The following DR1 variants were observed in gnomAD, a reference collection of about 807,000 sequenced individuals.
DR1 encodes protein Dr1.
A neutral mutation model predicts 19.9 loss-of-function variants in DR1; 7 were observed. The observed-to-expected ratio is 0.35, with a 90% CI of 0.20 to 0.66. DR1 has a LOEUF of 0.66. Among genes scored for constraint, DR1 ranks in the 30% least tolerant of loss-of-function variants. The pLI is 0.66. For missense variants in DR1, 98 were observed against 203.7 expected (o/e 0.48, Z 3.16); for synonymous variants, 76 against 72.5 (o/e 1.05, Z -0.24).
In DR1 at chr1:93,361,438, CAT is replaced by C. The variant is rs1667051376; in HGVS notation, c.*802_*803del. 1.3e-5 allele frequency: 2 copies of C among 152,496 alleles called. No homozygotes were observed. 9.4% of individuals were successfully genotyped at this position (152,496 alleles called of 1,614,324 possible). On this transcript the variant is annotated 3_prime_UTR_variant, in exon 3 of 3. Coordinates refer to ENST00000370272, the MANE Select transcript of DR1 (RefSeq NM_001938.3). ...ATTACTTACCTAGTCCATCCATACT[CAT>C]ATTATTCAAATATATAGGTGGTACT...
rs188106212 is a variant in DR1, at chr1:93,366,261, G to A, written c.*5622G>A. 18 of 152,298 alleles carry A rather than the reference G, an allele frequency of 1.2e-4. No homozygotes were observed. The East Asian group carries it at 2.7e-3, about 23-fold the overall frequency. The allele number at this position is 152,298 out of a possible 1,614,324, so 9.4% of individuals were successfully genotyped here. A position where few individuals can be genotyped will look rare whatever the true frequency, so the allele number is the denominator to read the frequency against. On this transcript the variant is annotated 3_prime_UTR_variant, in exon 3 of 3. Transcript: ENST00000370272. ...CCTCTTAAAGGCCAAATATGCCGTA[G>A]TATGTAAATACCGTATTTTGTTTAT... is the stretch of plus-strand genomic sequence containing the variant.
At chr1:93,360,380 A>G (rs1667037239) in intron 2 of DR1, 113 bp from the exon 3 acceptor site, 12 of 931,318 alleles carry the variant, frequency 1.3e-5, no homozygotes, top group Non-Finnish European at 1.9e-5. Context: ...CTTGGACAGT[A>G]TCCAAGTATG....
intron 1 of DR1, among the ~76,000 whole-genome samples, chr1:93,352,588 AT>A (rs1666927819): frequency 6.6e-6 from 1 of 152,170 alleles, no homozygotes; most frequent in Non-Finnish European, 1.5e-5. Flanking sequence ...GGGCATGTAG[AT>A]TTGTAAAGGT....
chr1:93,360,508 G>A lies in DR1; in HGVS notation c.400G>A (p.Ala134Thr). 1 of 1,579,980 alleles carries A rather than the reference G, an allele frequency of 6.3e-7. No individual in the cohort carries two copies. The highest frequency in any genetic ancestry group is 8.5e-7 in the Non-Finnish European group (1 of 1,169,666). ...ELFAKARQQQ[A>T]ELAQQEWLQM... The stretch of plus-strand genomic sequence containing the variant: ...GGGTGTTTAGGCTAGACAGCAACAA[G>A]CAGAATTGGCCCAACAGGAATGGCT... The change falls in exon 3 of 3, where the codon GCA (alanine) becomes ACA (threonine). Residue 134 changes from alanine to threonine, a missense_variant. Ala to Thr is a moderately conservative substitution (Grantham distance 58). Coordinates refer to ENST00000370272, the MANE Select transcript of DR1 (RefSeq NM_001938.3).
At position 93,346,682 on chromosome 1, in the gene DR1, A is replaced by G. The variant is rs894557660; in HGVS notation, c.37A>G (p.Ile13Val). Residue 13 changes from isoleucine (I) to valine (V), a missense_variant, in exon 1 of 3, where the codon ATC (isoleucine) becomes GTC (valine). By Grantham distance (29) the Ile-to-Val change is conservative (BLOSUM62 3). Coordinates refer to ENST00000370272, the MANE Select transcript of DR1 (RefSeq NM_001938.3). ...SSSGNDDDLTIPRAAINKMIK... is the reference protein window; with the variant it reads ...SSSGNDDDLTVPRAAINKMIK... ...GTCTGGCAACGATGATGATCTCACTATCCCCAGAGCTGCTATCAATAAAAT... is the reference window on the plus strand; with the variant it reads ...GTCTGGCAACGATGATGATCTCACTGTCCCCAGAGCTGCTATCAATAAAAT... 14 of 1,613,758 alleles carry G rather than the reference A, an allele frequency of 8.7e-6. No homozygotes were observed. Among genetic ancestry groups the G allele is most frequent in the Non-Finnish European group, 1.0e-5 (12 of 1,179,978 alleles).
intron 1 of DR1, among the ~76,000 whole-genome samples, chr1:93,348,132 T>C (rs1202628625): frequency 6.6e-6 from 1 of 152,046 alleles, no homozygotes; most frequent in African/African-American, 2.4e-5. Context: ...AGTTTTAAAA[T>C]ATATCCTGCC....
At chr1:93,353,677 T>A (rs1666944500) in intron 1 of DR1, among the ~76,000 whole-genome samples, 1 of 152,228 alleles carries the variant, frequency 6.6e-6, no homozygotes, top group South Asian at 2.1e-4. Context: ...GGCATGTGCC[T>A]TGGTTCTTCA....
At position 93,345,932 on chromosome 1, in the gene DR1, T is replaced by A. The variant is rs1287823770; in HGVS notation, c.-714T>A. On this transcript the variant is annotated 5_prime_UTR_variant, in exon 1 of 3. Coordinates refer to ENST00000370272, the MANE Select transcript of DR1 (RefSeq NM_001938.3). ...GCAAAGGGTGTCGGGAGCGGCTTCC[T>A]GCAAACCTTCCCTGGCATCTGGAGG... 3 of 152,528 alleles carry A rather than the reference T, an allele frequency of 2.0e-5. No homozygotes were observed. Among genetic ancestry groups the A allele is most frequent in the African/African-American group, 7.2e-5 (3 of 41,434 alleles). The allele number at this position is 152,528 out of a possible 1,614,324, so 9.4% of individuals were successfully genotyped here.
chr1:93,365,696 G>A lies in DR1; in HGVS notation c.*5057G>A, dbSNP rs1372470908. ...CTAAAAGAAATAGGTGATTTGGAAA[G>A]AGGAGGCCCAGGATTAAAATATGTT... On this transcript the variant is annotated 3_prime_UTR_variant, in exon 3 of 3. Transcript: ENST00000370272. The A allele has an allele frequency of 1.3e-5, 2 of 152,228 alleles. No individual in the cohort carries two copies. The highest frequency in any genetic ancestry group is 4.8e-5 in the African/African-American group (2 of 41,454). 9.4% of individuals were successfully genotyped at this position (152,228 alleles called of 1,614,324 possible).
Position 93,368,013 on chromosome 1 carries a change from AAAAC to A in DR1, c.*7382_*7385del, listed in dbSNP as rs1667188042. The A allele has an allele frequency of 2.0e-5, 3 of 152,348 alleles. No individual in the cohort carries two copies. Among genetic ancestry groups the A allele is most frequent in the South Asian group, 4.1e-4 (2 of 4,826 alleles). The allele number at this position is 152,348 out of a possible 1,614,324, so 9.4% of individuals were successfully genotyped here. On this transcript the variant is annotated 3_prime_UTR_variant, in exon 3 of 3. Coordinates refer to ENST00000370272, the MANE Select transcript of DR1 (RefSeq NM_001938.3). ...CAACAGAGCAAGACTTCGTCTCAAA[AAAAC>A]AAACAAAAAAAGAAATTACATTAGT...
intron 1 of DR1, among the ~76,000 whole-genome samples, chr1:93,352,881 G>A (rs1666932964): frequency 7.2e-6 from 1 of 139,858 alleles, no homozygotes; most frequent in Non-Finnish European, 1.5e-5. Flanking sequence ...AAGGTATTTA[G>A]GGTGTGTGAA....
intron 2 of DR1, among the ~76,000 whole-genome samples, chr1:93,356,639 A>C (rs1423958934): frequency 6.6e-6 from 1 of 152,094 alleles, no homozygotes; most frequent in Admixed American, 6.6e-5. Flanking sequence ...CTTGTAGTTG[A>C]TTAGACCACA....
In DR1 at chr1:93,364,709, A is replaced by G. The variant is rs993804553; in HGVS notation, c.*4070A>G. The G allele has an allele frequency of 1.3e-5, 2 of 152,126 alleles. No homozygotes were observed. Among genetic ancestry groups the G allele is most frequent in the Admixed American group, 1.3e-4 (2 of 15,284 alleles). 9.4% of individuals were successfully genotyped at this position (152,126 alleles called of 1,614,324 possible). ...ACATAAGTAGCCTCCTTTCACCTAA[A>G]GTATTACCACTGGTTCTTATCCTAT... On this transcript the variant is annotated 3_prime_UTR_variant, in exon 3 of 3. Coordinates refer to ENST00000370272, the MANE Select transcript of DR1 (RefSeq NM_001938.3).
At position 93,364,811 on chromosome 1, in the gene DR1, C is replaced by CTCA. The variant is rs1360978627; in HGVS notation, c.*4173_*4175dup. 7.1e-6 allele frequency: 1 copy of CTCA among 140,124 alleles called. No homozygotes were observed. Among genetic ancestry groups the CTCA allele is most frequent in the Non-Finnish European group, 1.6e-5 (1 of 64,438 alleles). 8.7% of individuals were successfully genotyped at this position (140,124 alleles called of 1,614,324 possible). On this transcript the variant is annotated 3_prime_UTR_variant, in exon 3 of 3. Coordinates refer to ENST00000370272, the MANE Select transcript of DR1 (RefSeq NM_001938.3). ...TTTTTTTTTTTTAAAGAAACAGGGT[C>CTCA]TCACTATGTTTCCTTTTTCTTTTTT...
At position 93,351,179 on chromosome 1, in the gene DR1, C is replaced by T. The variant is rs1206466487; in HGVS notation, c.221-2729C>T. On this transcript the variant is annotated intron_variant, in intron 1 of 2. Coordinates refer to ENST00000370272, the MANE Select transcript of DR1 (RefSeq NM_001938.3). ...AGGTATTATGTCCAGTTATTGATAT[C>T]TGTTAGCCCAATGTGTTTAAAATTA... Among the ~76,000 whole-genome samples the T allele has an allele frequency of 3.3e-5, 5 of 152,180 alleles. No individual in the cohort carries two copies. The East Asian group carries it at 9.7e-4, about 29-fold the overall frequency.
In DR1 at chr1:93,362,332, A is replaced by G. The variant is rs762925488; in HGVS notation, c.*1693A>G. ...ACCAAAGGTAGTCTAGTCTAGAACGATAAGTTAATACGTGTTGGCTTTTCT... is the reference window on the plus strand; with the variant it reads ...ACCAAAGGTAGTCTAGTCTAGAACGGTAAGTTAATACGTGTTGGCTTTTCT... On this transcript the variant is annotated 3_prime_UTR_variant, in exon 3 of 3. Coordinates refer to ENST00000370272, the MANE Select transcript of DR1 (RefSeq NM_001938.3). 6 of 152,448 alleles carry G rather than the reference A, an allele frequency of 3.9e-5. No homozygotes were observed. Among genetic ancestry groups the G allele is most frequent in the Non-Finnish European group, 8.8e-5 (6 of 67,904 alleles). 9.4% of individuals were successfully genotyped at this position (152,448 alleles called of 1,614,324 possible).
chr1:93,358,566 G>A (rs768084885), intron 2 of DR1, among the ~76,000 whole-genome samples: 12 of 152,116 alleles, frequency 7.9e-5, no homozygotes, highest in South Asian at 2.1e-4. Flanking sequence ...TCCTCCAAGC[G>A]CAGATATATT....
intron 2 of DR1, among the ~76,000 whole-genome samples, chr1:93,359,697 A>G (rs1282276328): frequency 1.3e-5 from 2 of 152,234 alleles, no homozygotes; most frequent in Non-Finnish European, 2.9e-5. Flanking sequence ...TTTTCTGCAA[A>G]CAGATGAAAT....
intron 1 of DR1, among the ~76,000 whole-genome samples, chr1:93,351,851 G>A (rs1456752232): frequency 6.6e-6 from 1 of 152,078 alleles, no homozygotes; most frequent in Non-Finnish European, 1.5e-5. Flanking sequence ...TGCTTGTCCA[G>A]CTTGTATTTA....
Sources: gnomAD v4.1 joint callset for allele counts (sites outside exome capture counted in the v4.1 genomes callset) on GRCh38, gnomAD v4.1.1 for gene constraint, MANE v1.5 for transcripts, NCBI Gene and HGNC (gene_info 2026-07-23, HGNC 2026-07-21) for gene names.